Variants in TAC1 observed in about 807,000 individuals in gnomAD.
TAC1 encodes the protein protachykinin-1.
TAC1 carries 12 observed loss-of-function variants against 21.7 expected under a neutral mutation model. The observed-to-expected ratio is 0.55, with a 90% CI of 0.35 to 0.89. The LOEUF is 0.89. TAC1 is among the 40% of genes least tolerant of loss of function. TAC1 has a pLI of 0.01. For synonymous variants in TAC1, 52 were observed against 52.0 expected (o/e 1.00, Z 0.00); for missense variants, 128 against 151.4 (o/e 0.85, Z 0.81).
At position 97,739,929 on chromosome 7, in the gene TAC1, C is replaced by T; in HGVS notation, c.*9C>T. The T allele has an allele frequency of 6.3e-7, 1 of 1,592,900 alleles. No homozygotes were observed. The highest frequency in any genetic ancestry group is 8.6e-7 in the Non-Finnish European group (1 of 1,167,404). On this transcript the variant is annotated 3_prime_UTR_variant, in exon 7 of 7. Transcript: ENST00000319273. ...ATGAAAGAAGACGTTAATAAACTAC[C>T]TAACATTATTTATTCAGCTTCATTT... is the stretch of plus-strand genomic sequence containing the variant.
In TAC1 at chr7:97,733,733, C is replaced by T; in HGVS notation, c.134C>T (p.Pro45Leu). Reference protein sequence around the residue: ...YDSDQIKEELPEPFEHLLQRI... With the variant: ...YDSDQIKEELLEPFEHLLQRI... Reference sequence around the variant, plus strand: ...GCTTTTGTCTCCCAGGAGGAACTGCCGGAGCCCTTTGAGCATCTTCTGCAG... The same window carrying T: ...GCTTTTGTCTCCCAGGAGGAACTGCTGGAGCCCTTTGAGCATCTTCTGCAG... Residue 45 changes from proline (P) to leucine (L), a missense_variant, in exon 3 of 7, where the codon CCG (proline) becomes CTG (leucine). By Grantham distance (98) the Pro-to-Leu change is moderately conservative. Transcript: ENST00000319273. The T allele has an allele frequency of 6.2e-7, 1 of 1,614,078 alleles. No individual in the cohort carries two copies. Among genetic ancestry groups the T allele is most frequent in the Non-Finnish European group, 8.5e-7 (1 of 1,179,982 alleles).
At chr7:97,733,581 A>T (rs1024424510) in intron 2 of TAC1, 142 bp from the exon 3 acceptor site, 7 of 679,100 alleles carry the variant, frequency 1.0e-5, no homozygotes, top group Middle Eastern at 4.3e-4. Flanking sequence ...GCGCCTCGGG[A>T]GGGACCCCGC....
chr7:97,732,547 C>A lies in TAC1; in HGVS notation c.-9-57C>A. On this transcript the variant is annotated intron_variant, in intron 1 of 6. Transcript: ENST00000319273. The surrounding 1 kb of genome is among the most constrained non-coding windows in gnomAD (Gnocchi z 6.2). ...TGTTGCTTTAACTCTTGGATAACCA[C>A]CCCTAATAGATACATTATTTCTCTC... 1 of 1,599,770 alleles carries A rather than the reference C, an allele frequency of 6.3e-7. No homozygotes were observed. Among genetic ancestry groups the A allele is most frequent in the South Asian group, 1.1e-5 (1 of 89,306 alleles).
rs927473850 is a variant in TAC1 at position 97,732,131 on chromosome 7, G to C, written c.-74G>C. On this transcript the variant is annotated 5_prime_UTR_variant, in exon 1 of 7. Transcript: ENST00000319273. This position sits in a 1 kb window ranked among gnomAD's most constrained non-coding sequence, Gnocchi z 6.2. ...TCCCGGCGGCAGCTACCGAGAGTGC[G>C]GAGCGACCAGCGTGCGCTCGGAGGA... 2.0e-5 allele frequency: 3 copies of C among 152,796 alleles called. No individual in the cohort carries two copies. Among genetic ancestry groups the C allele is most frequent in the African/African-American group, 7.2e-5 (3 of 41,440 alleles). 9.5% of individuals were successfully genotyped at this position (152,796 alleles called of 1,614,324 possible).
chr7:97,738,337 G>T (rs1789622114), intron 6 of TAC1, among the ~76,000 whole-genome samples: 1 of 151,870 alleles, frequency 6.6e-6, no homozygotes, highest in African/African-American at 2.4e-5. Context: ...TTTATATCAG[G>T]CTTCAGAGGG....
intron 6 of TAC1, among the ~76,000 whole-genome samples, chr7:97,739,648 A>T (rs1175466501): frequency 6.6e-6 from 1 of 152,072 alleles, no homozygotes; most frequent in East Asian, 1.9e-4. Flanking sequence ...CACCAAGTAT[A>T]TGATGAATGA....
Position 97,739,965 on chromosome 7 carries a change from G to T in TAC1, c.*45G>T, listed in dbSNP as rs1000479778. On this transcript the variant is annotated 3_prime_UTR_variant, in exon 7 of 7. Transcript: ENST00000319273. ...TATTCAGCTTCATTTGTGTCAATGGGCAATGACAGGTAAATTAAGACATGC... is the reference window on the plus strand; with the variant it reads ...TATTCAGCTTCATTTGTGTCAATGGTCAATGACAGGTAAATTAAGACATGC... 23 of 1,338,492 alleles carry T rather than the reference G, an allele frequency of 1.7e-5. No homozygotes were observed. The highest frequency in any genetic ancestry group is 2.2e-5 in the Non-Finnish European group (21 of 954,452). 82.9% of individuals were successfully genotyped at this position (1,338,492 alleles called of 1,614,324 possible). A position where few individuals can be genotyped will look rare whatever the true frequency, so the allele number is the denominator to read the frequency against.
At chr7:97,737,115 A>G (rs1789590778) in intron 6 of TAC1, among the ~76,000 whole-genome samples, 1 of 151,958 alleles carries the variant, frequency 6.6e-6, no homozygotes, top group East Asian at 1.9e-4. Flanking sequence ...TAGTTAACTC[A>G]TTCATCACAC....
intron 5 of TAC1, among the ~76,000 whole-genome samples, chr7:97,736,036 C>G (rs770098767): frequency 6.6e-6 from 1 of 151,846 alleles, no homozygotes. Context: ...ATATTTTAGA[C>G]CCTTACATAA....
chr7:97,736,412 A>T, intron 6 of TAC1, 60 bp downstream of exon 6: 3 of 1,460,776 alleles, frequency 2.1e-6, no homozygotes, highest in Non-Finnish European at 2.8e-6. Context: ...TATTTTTTCT[A>T]AGACATAGTT....
intron 6 of TAC1, 25 bp from the exon 7 acceptor site, chr7:97,739,849 C>T: frequency 1.3e-6 from 2 of 1,591,336 alleles, no homozygotes; most frequent in Non-Finnish European, 1.7e-6. Flanking sequence ...ACTTAAAAAA[C>T]ACTTTATCTC....
Position 97,736,107 on chromosome 7 carries a change from G to T in TAC1, c.290-192G>T, listed in dbSNP as rs373619367. Among the ~76,000 whole-genome samples, 10 of 152,054 alleles carry T rather than the reference G, an allele frequency of 6.6e-5. No individual in the cohort carries two copies. In the East Asian group the frequency reaches 1.7e-3, roughly 26 times the overall value. On this transcript the variant is annotated intron_variant, in intron 5 of 6. Transcript: ENST00000319273. ...ATTAAATATAGAATTAAGAAAAGTG[G>T]TTTCATTGTATTGTTTTAGTGTAAT...
intron 2 of TAC1, 97 bp from the exon 3 acceptor site, chr7:97,733,626 C>T (rs1789487934): frequency 7.3e-6 from 9 of 1,227,066 alleles, no homozygotes; most frequent in Non-Finnish European, 1.1e-5. Context: ...CCTCCCCACG[C>T]CTCGGGGCCG....
At chr7:97,736,424 T>A in intron 6 of TAC1, 72 bp downstream of exon 6, 4 of 1,387,960 alleles carry the variant, frequency 2.9e-6, no homozygotes, top group Non-Finnish European at 4.0e-6. Context: ...GACATAGTTT[T>A]AAAATATTAA....
At position 97,736,261 on chromosome 7, in the gene TAC1, A is replaced by G. The variant is rs751408109; in HGVS notation, c.290-38A>G. The G allele has an allele frequency of 1.4e-5, 22 of 1,548,550 alleles. No individual in the cohort carries two copies. The East Asian group carries it at 2.0e-4, about 14-fold the overall frequency. On this transcript the variant is annotated intron_variant, in intron 5 of 6. Transcript: ENST00000319273. The stretch of plus-strand genomic sequence containing the variant: ...GTTATAATAGTTTGTTTCCTCAAAG[A>G]TATACATATTAAAATACCCCTAAAT...
At position 97,732,612 on chromosome 7, in the gene TAC1, C is replaced by T; in HGVS notation, c.-1C>T. 2 of 1,614,144 alleles carry T rather than the reference C, an allele frequency of 1.2e-6. No individual in the cohort carries two copies. Among genetic ancestry groups the T allele is most frequent in the African/African-American group, 1.3e-5 (1 of 75,048 alleles). On this transcript the variant is annotated 5_prime_UTR_variant, in exon 2 of 7. Transcript: ENST00000319273. This position sits in a 1 kb window ranked among gnomAD's most constrained non-coding sequence, Gnocchi z 6.2. ...CTCCTACCCCTTCCCAGAAATCCAA[C>T]ATGAAAATCCTCGTGGCCTTGGCAG...
At chr7:97,734,503 T>TC (rs1562784434) in intron 4 of TAC1, among the ~76,000 whole-genome samples, 1 of 148,062 alleles carries the variant, frequency 6.8e-6, no homozygotes, top group Non-Finnish European at 1.5e-5. Flanking sequence ...CTCTCTCTCT[T>TC]TCTCTCTCTC....
At chr7:97,736,886 G>A (rs148029906) in intron 6 of TAC1, among the ~76,000 whole-genome samples, 182 of 152,150 alleles carry the variant, frequency 1.2e-3, no homozygotes, top group African/African-American at 4.2e-3. Context: ...GGACAAAAGT[G>A]ATACGGTTTA....
intron 6 of TAC1, among the ~76,000 whole-genome samples, chr7:97,736,960 A>G (rs1170821677): frequency 6.6e-6 from 1 of 152,058 alleles, no homozygotes; most frequent in African/African-American, 2.4e-5. Flanking sequence ...GGTTCTGGCT[A>G]TAAACTCCTT....
Sources: allele counts gnomAD v4.1 joint callset (sites outside exome capture counted in the v4.1 genomes callset), GRCh38; gene constraint gnomAD v4.1.1; non-coding constraint Gnocchi (gnomAD v3.1); transcripts MANE v1.5; gene names NCBI Gene and HGNC (gene_info 2026-07-23, HGNC 2026-07-21).